Variants in PRKAR1A observed in about 807,000 individuals in gnomAD.
PRKAR1A encodes the protein cAMP-dependent protein kinase type I-alpha regulatory subunit.
PRKAR1A carries 3 observed loss-of-function variants against 52.0 expected under a neutral mutation model. The ratio of observed to expected loss-of-function variants is 0.06; its 90% CI spans 0.03 to 0.15. The LOEUF (loss-of-function observed/expected upper bound fraction) is 0.15. Ranked by LOEUF, PRKAR1A falls within the 10% of genes least tolerant of loss-of-function variation. PRKAR1A has a pLI of 1.00. For synonymous variants in PRKAR1A, 188 were observed against 168.4 expected (o/e 1.12, Z -0.90); for missense variants, 240 against 477.4 (o/e 0.50, Z 4.63).
intron 9 of PRKAR1A, among the ~76,000 whole-genome samples, 186 bp from the exon 10 acceptor site, chr17:68,529,734 G>A (rs1401546173): frequency 6.6e-6 from 1 of 152,208 alleles, no homozygotes; most frequent in African/African-American, 2.4e-5. Flanking sequence ...AGCTTGATAC[G>A]AAGAACCTCG....
At chr17:68,457,850 G>T in the PRKAR1A span, among the ~76,000 whole-genome samples, 3 of 152,192 alleles carry the variant, frequency 2.0e-5, no homozygotes, top group Non-Finnish European at 4.4e-5. Flanking sequence ...GCAGGCCCAC[G>T]TGGCGGTGTT....
At chr17:68,535,489 A>G (rs995470117), downstream of PRKAR1A, 9 of 453,778 alleles carry the variant, frequency 2.0e-5, no homozygotes, top group African/African-American at 1.6e-4. Flanking sequence ...GAATGTTTTT[A>G]CCCAGATATT....
At chr17:68,542,875 C>T (rs1289687670) in intron 11 of PRKAR1A, 2 of 1,270,986 alleles carry the variant, frequency 1.6e-6, no homozygotes, top group East Asian at 4.6e-5. Flanking sequence ...GGGTTTTGTC[C>T]CCCGGCCAGT....
rs1043896648 is a variant in PRKAR1A, at chr17:68,532,334, C to T, written c.*1885C>T. On this transcript the variant is annotated 3_prime_UTR_variant, in exon 11 of 11. Coordinates refer to ENST00000589228, the MANE Select transcript of PRKAR1A (RefSeq NM_002734.5). The stretch of plus-strand genomic sequence containing the variant: ...TTGCAGTTTCATGTATGTATATAAT[C>T]ATGCTCATGTATATTTAGTTACGTA... The T allele has an allele frequency of 9.5e-7, 1 of 1,054,040 alleles. No individual in the cohort carries two copies. Among genetic ancestry groups the T allele is most frequent in the African/African-American group, 1.6e-5 (1 of 60,752 alleles). The allele number at this position is 1,054,040 out of a possible 1,614,324, so 65.3% of individuals were successfully genotyped here. A position where few individuals can be genotyped will look rare whatever the true frequency, so the allele number is the denominator to read the frequency against.
upstream of PRKAR1A, among the ~76,000 whole-genome samples, chr17:68,510,084 G>T (rs1262146592): frequency 1.3e-5 from 2 of 150,324 alleles, no homozygotes. Context: ...GCAGGAAGAG[G>T]GAGAAATGGG....
At chr17:68,468,948 G>C in the PRKAR1A span, among the ~76,000 whole-genome samples, 1 of 152,086 alleles carries the variant, frequency 6.6e-6, no homozygotes, top group African/African-American at 2.4e-5. Flanking sequence ...GGGGGCTTAA[G>C]TCAGCCTCTA....
rs2085983075 is a variant in PRKAR1A at position 68,531,800 on chromosome 17, ACCCAACAG to A, written c.*1352_*1359del. On this transcript the variant is annotated 3_prime_UTR_variant, in exon 11 of 11. Transcript: ENST00000589228. ...TTATGTGTTACATTATTCCAATGAT[ACCCAACAG>A]TTTATTTTTATTATTTTTTTAAACA... 7.7e-6 allele frequency: 8 copies of A among 1,032,392 alleles called. No individual in the cohort carries two copies. The highest frequency in any genetic ancestry group is 1.7e-5 in the African/African-American group (1 of 60,270). 64.0% of individuals were successfully genotyped at this position (1,032,392 alleles called of 1,614,324 possible).
At chr17:68,436,629 C>G in the PRKAR1A span, 1 of 669,756 alleles carries the variant, frequency 1.5e-6, no homozygotes, top group Non-Finnish European at 2.5e-6. Context: ...GCTGATGATT[C>G]TTCTGATTAA....
At chr17:68,460,607 G>A in the PRKAR1A span, among the ~76,000 whole-genome samples, 1 of 152,108 alleles carries the variant, frequency 6.6e-6, no homozygotes, top group Admixed American at 6.5e-5. Context: ...ACATCTCAGG[G>A]CTGCCTCATC....
At chr17:68,536,253 G>A, downstream of PRKAR1A, 1 of 454,116 alleles carries the variant, frequency 2.2e-6, no homozygotes, top group Non-Finnish European at 4.4e-6. Flanking sequence ...CATGCTTACA[G>A]TATTTGAACT....
chr17:68,465,801 T>A, the PRKAR1A span, among the ~76,000 whole-genome samples: 1 of 151,800 alleles, frequency 6.6e-6, no homozygotes, highest in Non-Finnish European at 1.5e-5. Flanking sequence ...GATGAGTGTA[T>A]AGGCAATGGT....
chr17:68,472,384 A>G, the PRKAR1A span, among the ~76,000 whole-genome samples: 1 of 152,144 alleles, frequency 6.6e-6, no homozygotes, highest in Non-Finnish European at 1.5e-5. Context: ...AACTCCCAGG[A>G]ACTTTCCTGC....
Position 68,532,140 on chromosome 17 carries a change from A to G in PRKAR1A, c.*1691A>G, listed in dbSNP as rs1267269876. 2 of 1,056,534 alleles carry G rather than the reference A, an allele frequency of 1.9e-6. No homozygotes were observed. The highest frequency in any genetic ancestry group is 1.6e-5 in the African/African-American group (1 of 60,834). 65.4% of individuals were successfully genotyped at this position (1,056,534 alleles called of 1,614,324 possible). On this transcript the variant is annotated 3_prime_UTR_variant, in exon 11 of 11. Transcript: ENST00000589228. ...CTTGTTACAAATTTTTTAATTTCCA[A>G]AATAATCTATATTAAATGAGGGTTT...
At chr17:68,480,810 A>G in the PRKAR1A span, among the ~76,000 whole-genome samples, 1 of 152,212 alleles carries the variant, frequency 6.6e-6, no homozygotes, top group African/African-American at 2.4e-5. Flanking sequence ...TTGGCCTCCC[A>G]AAATGCTAGG....
At chr17:68,419,559 A>G in the PRKAR1A span, among the ~76,000 whole-genome samples, 1 of 152,206 alleles carries the variant, frequency 6.6e-6, no homozygotes, top group Non-Finnish European at 1.5e-5. Context: ...CCTGGGTGAC[A>G]GAGCGAGACT....
At chr17:68,535,762 T>G (rs1005093482), downstream of PRKAR1A, 6 of 453,110 alleles carry the variant, frequency 1.3e-5, no homozygotes, top group Admixed American at 4.7e-5. Flanking sequence ...TCTGCCTGTT[T>G]AGGCCCAAAG....
chr17:68,447,774 C>T, the PRKAR1A span, among the ~76,000 whole-genome samples: 6 of 151,906 alleles, frequency 3.9e-5, no homozygotes, highest in African/African-American at 9.7e-5. Flanking sequence ...GGGTGGATCA[C>T]GAGGTCAGGA....
In PRKAR1A at chr17:68,531,583, A is replaced by T; in HGVS notation, c.*1134A>T. ...GTCTTTTTTTCCTTCCTTTTTATTC[A>T]GCTAGAATTTCTGGTGGGTTGATGG... On this transcript the variant is annotated 3_prime_UTR_variant, in exon 11 of 11. Coordinates refer to ENST00000589228, the MANE Select transcript of PRKAR1A (RefSeq NM_002734.5). 1 of 1,066,244 alleles carries T rather than the reference A, an allele frequency of 9.4e-7. No individual in the cohort carries two copies. The highest frequency in any genetic ancestry group is 4.2e-4 in the Middle Eastern group (1 of 2,404). The allele number at this position is 1,066,244 out of a possible 1,614,324, so 66.0% of individuals were successfully genotyped here.
At position 68,532,390 on chromosome 17, in the gene PRKAR1A, A is replaced by G; in HGVS notation, c.*1941A>G. 1 of 1,057,710 alleles carries G rather than the reference A, an allele frequency of 9.5e-7. No individual in the cohort carries two copies. Among genetic ancestry groups the G allele is most frequent in the Non-Finnish European group, 1.1e-6 (1 of 872,278 alleles). 65.5% of individuals were successfully genotyped at this position (1,057,710 alleles called of 1,614,324 possible). On this transcript the variant is annotated 3_prime_UTR_variant, in exon 11 of 11. Coordinates refer to ENST00000589228, the MANE Select transcript of PRKAR1A (RefSeq NM_002734.5). ...CTTTCTGAGTGAGTTTTACTCTTAA[A>G]TCATTTGGTTAAATCATTTGGCTTG...
Sources: allele counts gnomAD v4.1 joint callset (sites outside exome capture counted in the v4.1 genomes callset), GRCh38; gene constraint gnomAD v4.1.1; transcripts MANE v1.5; gene names NCBI Gene and HGNC (gene_info 2026-07-23, HGNC 2026-07-21).